NLGN4X: variants seen among roughly 807,000 people sequenced by gnomAD.
NLGN4X encodes the protein neuroligin-4, X-linked.
NLGN4X carries 3 observed loss-of-function variants against 40.3 expected under a neutral mutation model. That is an observed-to-expected ratio of 0.07 (90% CI 0.03 to 0.19). The LOEUF is 0.19. Ranked by LOEUF, NLGN4X falls within the 10% of genes least tolerant of loss-of-function variation. The pLI, the probability that NLGN4X is intolerant of heterozygous loss-of-function variation, is 1.00. For missense variants in NLGN4X, 382 were observed against 708.3 expected, an observed-to-expected ratio of 0.54 and a Z score of 5.23; for synonymous variants, 270 against 306.8, an observed-to-expected ratio of 0.88 and a Z score of 1.25.
intron 3 of NLGN4X, among the ~76,000 whole-genome samples, chrX:5,953,641 G>A (rs191332349): frequency 2.2e-4 from 25 of 112,026 alleles, no homozygotes; most frequent in Admixed American, 9.5e-5. Flanking sequence ...ACATCATTGT[G>A]TGTATTTGAA....
chrX:6,226,499 C>T (rs1406862119), intron 1 of NLGN4X: 3 of 111,875 alleles, frequency 2.7e-5, no homozygotes, highest in Non-Finnish European at 5.6e-5. Flanking sequence ...GAAGAAAGGG[C>T]GCTGTGTCTG....
At chrX:6,218,668 A>G (rs973413117) in intron 1 of NLGN4X, among the ~76,000 whole-genome samples, 6 of 112,294 alleles carry the variant, frequency 5.3e-5, no homozygotes, top group African/African-American at 1.9e-4. Context: ...TTCGTGAAAT[A>G]AAGAAAAAAA....
intron 5 of NLGN4X, among the ~76,000 whole-genome samples, chrX:5,902,428 G>A (rs1490035924): frequency 1.8e-5 from 2 of 110,849 alleles, no homozygotes; most frequent in Non-Finnish European, 1.9e-5. Context: ...GAGATGGGAG[G>A]ATCACATGAA....
At chrX:6,132,924 T>C (rs187623259) in intron 2 of NLGN4X, among the ~76,000 whole-genome samples, 8 of 111,525 alleles carry the variant, frequency 7.2e-5, no homozygotes, top group African/African-American at 2.3e-4. Flanking sequence ...GCATTCATTG[T>C]GTCAAAAGCA....
At chrX:6,025,324 TA>T (rs1305767278) in intron 3 of NLGN4X, among the ~76,000 whole-genome samples, 5 of 111,917 alleles carry the variant, frequency 4.5e-5, no homozygotes, top group Non-Finnish European at 9.4e-5. Flanking sequence ...GATTATTTTT[TA>T]AAAAATAGCA....
chrX:6,071,355 G>A (rs141304921), intron 2 of NLGN4X, among the ~76,000 whole-genome samples: 3,533 of 111,244 alleles, frequency 0.032, 122 homozygotes, highest in African/African-American at 0.097. Context: ...AATCATTAGC[G>A]GTGGGGCGGG....
chrX:6,023,473 T>G (rs2036604449), intron 3 of NLGN4X, among the ~76,000 whole-genome samples: 1 of 112,367 alleles, frequency 8.9e-6, no homozygotes, highest in Non-Finnish European at 1.9e-5. Flanking sequence ...TAATTCATAC[T>G]TGACATTAAT....
intron 3 of NLGN4X, among the ~76,000 whole-genome samples, chrX:6,002,412 C>G (rs2035994157): frequency 8.9e-6 from 1 of 112,081 alleles, no homozygotes; most frequent in Non-Finnish European, 1.9e-5. Flanking sequence ...AGAGCTGTTC[C>G]CCGCCCCGTT....
intron 2 of NLGN4X, among the ~76,000 whole-genome samples, chrX:6,060,288 C>T (rs770120815): frequency 4.3e-4 from 48 of 111,246 alleles, no homozygotes; most frequent in Non-Finnish European, 7.4e-4. Context: ...ATGGTGGTAC[C>T]GAATCTTCTT....
intron 5 of NLGN4X, among the ~76,000 whole-genome samples, chrX:5,901,651 C>T (rs919366419): frequency 1.8e-5 from 2 of 110,054 alleles, no homozygotes; most frequent in Non-Finnish European, 3.8e-5. Context: ...GTGAGATACA[C>T]ATGTATGTGT....
At chrX:5,908,957 T>C in intron 4 of NLGN4X, 97 bp downstream of exon 4, 1 of 971,765 alleles carries the variant, frequency 1.0e-6, no homozygotes, top group Non-Finnish European at 1.4e-6. Flanking sequence ...CCAGAGTGAC[T>C]TCTGGTAACC....
intron 2 of NLGN4X, among the ~76,000 whole-genome samples, chrX:6,108,740 C>T (rs1268175799): frequency 9.0e-6 from 1 of 110,671 alleles, no homozygotes; most frequent in African/African-American, 3.3e-5. Context: ...CCATGCCATG[C>T]AAGGAACTGA....
At chrX:6,136,282 C>T (rs926721689) in intron 2 of NLGN4X, among the ~76,000 whole-genome samples, 1 of 112,464 alleles carries the variant, frequency 8.9e-6, no homozygotes, top group East Asian at 2.8e-4. Context: ...TGCTATGTAA[C>T]AAATAACCAA....
intron 1 of NLGN4X, among the ~76,000 whole-genome samples, chrX:6,154,336 A>ATG (rs967687734): frequency 2.7e-5 from 3 of 111,670 alleles, no homozygotes; most frequent in East Asian, 5.6e-4. Flanking sequence ...GCTGTCGTGT[A>ATG]TGTGTGTGTG....
At chrX:6,177,520 T>C (rs762660949) in intron 1 of NLGN4X, among the ~76,000 whole-genome samples, 2 of 112,154 alleles carry the variant, frequency 1.8e-5, no homozygotes, top group East Asian at 5.6e-4. Flanking sequence ...CGTGCATTTA[T>C]TTCCTCTATC....
At chrX:6,144,895 C>T (rs1316356754) in intron 2 of NLGN4X, among the ~76,000 whole-genome samples, 2 of 110,862 alleles carry the variant, frequency 1.8e-5, no homozygotes, top group East Asian at 5.7e-4. Flanking sequence ...TCCCAGGTTC[C>T]AGGAATGGGC....
chrX:6,192,986 G>A (rs950649379), intron 1 of NLGN4X, among the ~76,000 whole-genome samples: 9 of 111,665 alleles, frequency 8.1e-5, no homozygotes, highest in African/African-American at 2.6e-4. Context: ...AACAACTGCC[G>A]GAGCCCACAG....
intron 2 of NLGN4X, among the ~76,000 whole-genome samples, chrX:6,092,252 T>C (rs745983024): frequency 1.8e-5 from 2 of 112,188 alleles, no homozygotes; most frequent in South Asian, 7.4e-4. Flanking sequence ...AAAAGAATAT[T>C]TGGGTGTCCT....
intron 2 of NLGN4X, among the ~76,000 whole-genome samples, chrX:6,047,551 C>T (rs574716433): frequency 3.6e-5 from 4 of 111,746 alleles, no homozygotes; most frequent in African/African-American, 9.7e-5. Context: ...GAATCAGACG[C>T]GATTGAAAAA....
Sources: gnomAD v4.1 joint callset for allele counts (sites outside exome capture counted in the v4.1 genomes callset) on GRCh38, gnomAD v4.1.1 for gene constraint, MANE v1.5 for transcripts, NCBI Gene and HGNC (gene_info 2026-07-23, HGNC 2026-07-21) for gene names.